Variants in SLC16A7 observed in about 807,000 individuals in gnomAD.
SLC16A7 encodes solute carrier family 16 member 7, also known as monocarboxylate transporter 2.
A neutral mutation model predicts 34.9 loss-of-function variants in SLC16A7; 33 were observed. The observed-to-expected ratio is 0.94, with a 90% CI of 0.72 to 1.26. The LOEUF is 1.26. SLC16A7 is among the 50% of genes most tolerant of loss of function. The probability of loss-of-function intolerance (pLI) is 0.00; values close to 1 mark genes in which losing one functional copy is unlikely to be tolerated. For missense variants in SLC16A7, 573 were observed against 578.1 expected, an observed-to-expected ratio of 0.99 and a Z score of 0.09; for synonymous variants, 201 against 206.6, an observed-to-expected ratio of 0.97 and a Z score of 0.23.
At chr12:59,658,712 G>A (rs1467215424) in intron 2 of SLC16A7, among the ~76,000 whole-genome samples, 1 of 151,894 alleles carries the variant, frequency 6.6e-6, no homozygotes, top group Admixed American at 6.6e-5. Flanking sequence ...CTTTTACATA[G>A]ACTATGGATT....
At chr12:59,755,724 A>G (rs892946581) in intron 3 of SLC16A7, among the ~76,000 whole-genome samples, 3 of 152,162 alleles carry the variant, frequency 2.0e-5, no homozygotes, top group East Asian at 1.9e-4. Context: ...TCAAGCTACC[A>G]ATTACTTTCT....
chr12:59,728,405 A>T (rs1032350843), intron 3 of SLC16A7, among the ~76,000 whole-genome samples: 4 of 152,230 alleles, frequency 2.6e-5, no homozygotes, highest in Non-Finnish European at 5.9e-5. Flanking sequence ...TTGCAGATAA[A>T]TGATAATGTC....
chr12:59,765,878 T>C (rs1258256842), intron 3 of SLC16A7, among the ~76,000 whole-genome samples: 4 of 152,150 alleles, frequency 2.6e-5, no homozygotes, highest in Non-Finnish European at 5.9e-5. Flanking sequence ...AGAAAGTAAT[T>C]GGTAGCTTGA....
At chr12:59,653,866 A>C (rs1007620909) in intron 1 of SLC16A7, among the ~76,000 whole-genome samples, 1 of 151,602 alleles carries the variant, frequency 6.6e-6, no homozygotes. Context: ...GGCCTTACTC[A>C]TGTGATTTTT....
chr12:59,700,107 T>A (rs1344212853), intron 2 of SLC16A7, among the ~76,000 whole-genome samples: 1 of 151,800 alleles, frequency 6.6e-6, no homozygotes, highest in Non-Finnish European at 1.5e-5. Flanking sequence ...TCGCTGTAAG[T>A]TCAATGTCAG....
intron 3 of SLC16A7, among the ~76,000 whole-genome samples, chr12:59,736,488 T>C (rs1877620117): frequency 6.6e-6 from 1 of 152,192 alleles, no homozygotes; most frequent in African/African-American, 2.4e-5. Context: ...ATTTTCACTT[T>C]GGTCAGGCAT....
intron 3 of SLC16A7, among the ~76,000 whole-genome samples, chr12:59,728,622 G>A (rs1305333933): frequency 6.6e-6 from 1 of 152,168 alleles, no homozygotes; most frequent in Non-Finnish European, 1.5e-5. Context: ...CTACTCAGGA[G>A]GCTGAAGTGG....
At chr12:59,654,708 C>T (rs200581245) in intron 1 of SLC16A7, among the ~76,000 whole-genome samples, 1 of 138,552 alleles carries the variant, frequency 7.2e-6, no homozygotes, top group African/African-American at 2.7e-5. Context: ...CACACACACA[C>T]ACTCACACTC....
rs12817315 is a variant in SLC16A7, at chr12:59,756,899, A to G, written c.218-14320A>G. On this transcript the variant is annotated intron_variant, in intron 3 of 5. Coordinates refer to ENST00000547379, the MANE Select transcript of SLC16A7 (RefSeq NM_001270623.2). ...AGACTGGATTCAGAAAATGTGGCACATATACACCATAGAATACTATGCAGC... is the reference window on the plus strand; with the variant it reads ...AGACTGGATTCAGAAAATGTGGCACGTATACACCATAGAATACTATGCAGC... Among the ~76,000 whole-genome samples the G allele has an allele frequency of 4.4e-3, 538 of 123,072 alleles. 1 individual carries two copies. Among genetic ancestry groups the G allele is most frequent in the African/African-American group, 0.017 (471 of 27,660 alleles). The allele number at this position is 123,072 out of a possible 152,430, so 80.7% of individuals were successfully genotyped here. A position where few individuals can be genotyped will look rare whatever the true frequency, so the allele number is the denominator to read the frequency against.
chr12:59,601,630 G>A (rs531034102), intron 1 of SLC16A7, among the ~76,000 whole-genome samples: 37 of 152,236 alleles, frequency 2.4e-4, no homozygotes, highest in Non-Finnish European at 4.6e-4. Flanking sequence ...TTTGGGCTGC[G>A]ATAACAAACT....
intron 3 of SLC16A7, among the ~76,000 whole-genome samples, chr12:59,766,763 G>T (rs9705733): frequency 0.27 from 40,292 of 151,920 alleles, 5,394 homozygotes; most frequent in East Asian, 0.31. Flanking sequence ...TTGCATCGAT[G>T]TTCATCAAGG....
At chr12:59,759,532 C>T (rs1394461833) in intron 3 of SLC16A7, among the ~76,000 whole-genome samples, 1 of 151,854 alleles carries the variant, frequency 6.6e-6, no homozygotes, top group African/African-American at 2.4e-5. Context: ...ATTTACGTCC[C>T]AATGTTTCTT....
chr12:59,681,203 T>C (rs546689953), intron 2 of SLC16A7, among the ~76,000 whole-genome samples: 1 of 152,306 alleles, frequency 6.6e-6, no homozygotes, highest in African/African-American at 2.4e-5. Flanking sequence ...GTAGCATCAG[T>C]TCTTAATCAC....
chr12:59,751,895 C>G (rs1879624729), intron 3 of SLC16A7, among the ~76,000 whole-genome samples: 1 of 152,150 alleles, frequency 6.6e-6, no homozygotes, highest in Non-Finnish European at 1.5e-5. Context: ...GCCGGGTACT[C>G]CTCTTAGACA....
At chr12:59,687,071 G>T (rs1027152666) in intron 2 of SLC16A7, among the ~76,000 whole-genome samples, 3 of 151,554 alleles carry the variant, frequency 2.0e-5, no homozygotes, top group Admixed American at 6.6e-5. Flanking sequence ...GTTAATTTAA[G>T]AAATATATTA....
chr12:59,767,436 T>C (rs1881776612), intron 3 of SLC16A7, among the ~76,000 whole-genome samples: 1 of 151,990 alleles, frequency 6.6e-6, no homozygotes, highest in South Asian at 2.1e-4. Context: ...TCTTCAAAGC[T>C]TCAAAGGACA....
chr12:59,755,507 T>C (rs1488263751), intron 3 of SLC16A7, among the ~76,000 whole-genome samples: 1 of 152,202 alleles, frequency 6.6e-6, no homozygotes, highest in African/African-American at 2.4e-5. Context: ...CTTTCACAAT[T>C]GCTTCAAAGA....
chr12:59,692,998 A>T (rs1217706819), intron 2 of SLC16A7, among the ~76,000 whole-genome samples: 1 of 152,022 alleles, frequency 6.6e-6, no homozygotes, highest in South Asian at 2.1e-4. Flanking sequence ...TGATGTTGCT[A>T]TATCCTTTTG....
At chr12:59,764,336 T>A (rs1301695005) in intron 3 of SLC16A7, among the ~76,000 whole-genome samples, 2 of 152,160 alleles carry the variant, frequency 1.3e-5, no homozygotes, top group Non-Finnish European at 2.9e-5. Flanking sequence ...GTTTTTGTTT[T>A]TTATTATTAT....
Sources: gnomAD v4.1 joint callset for allele counts (sites outside exome capture counted in the v4.1 genomes callset) on GRCh38, gnomAD v4.1.1 for gene constraint, MANE v1.5 for transcripts, NCBI Gene and HGNC (gene_info 2026-07-23, HGNC 2026-07-21) for gene names.